The following TP53BP1 variants were observed in gnomAD, a reference collection of about 807,000 sequenced individuals.
TP53BP1 encodes the protein tumor protein p53 binding protein 1.
A neutral mutation model predicts 200.8 loss-of-function variants in TP53BP1; 61 were observed. The observed-to-expected ratio is 0.30, with a 90% confidence interval of 0.25 to 0.38. TP53BP1 has a LOEUF of 0.38. TP53BP1 is among the 10% of genes least tolerant of loss of function. The probability of loss-of-function intolerance (pLI) is 1.00; values close to 1 mark genes in which losing one functional copy is unlikely to be tolerated. For missense variants in TP53BP1, 2,144 were observed against 2,371.9 expected, an observed-to-expected ratio of 0.90 and a Z score of 2.00; for synonymous variants, 822 against 844.3, an observed-to-expected ratio of 0.97 and a Z score of 0.46.
Position 43,403,507 on chromosome 15 carries a change from C to T in TP53BP1, c.*3876G>A, listed in dbSNP as rs1030258315. 3.9e-5 allele frequency: 22 copies of T among 567,698 alleles called. No homozygotes were observed. Among genetic ancestry groups the T allele is most frequent in the South Asian group, 1.1e-4 (5 of 43,904 alleles). 35.2% of individuals were successfully genotyped at this position (567,698 alleles called of 1,614,324 possible). The stretch of plus-strand genomic sequence containing the variant: ...GCCAGGAAAGGATGCATTTGTTTTA[C>T]GCATTTTGTGCGTCTGAGGGGCTGG... On this transcript the variant is annotated 3_prime_UTR_variant, in exon 28 of 28. Transcript: ENST00000382044.
At position 43,413,252 on chromosome 15, in the gene TP53BP1, T is replaced by C. The variant is rs1473263039; in HGVS notation, c.5172A>G (p.Arg1724=). 1 of 1,614,074 alleles carries C rather than the reference T, an allele frequency of 6.2e-7. No homozygotes were observed. Among genetic ancestry groups the C allele is most frequent in the Non-Finnish European group, 8.5e-7 (1 of 1,180,034 alleles). The part of the protein sequence containing the change: ...TGEPSALEEQ[R]GPLPLNKTLF... ...AGGTCTTGTTGAGAGGCAAAGGCCC[T>C]CTCTGCTCTTCCAGGGCAGAGGGTT... Residue 1724 remains arginine (R), a synonymous_variant, in exon 24 of 28, where the codon AGA becomes AGG. Coordinates refer to ENST00000382044, the MANE Select transcript of TP53BP1 (RefSeq NM_001141980.3).
chr15:43,428,571 C>A (rs1595542592), intron 17 of TP53BP1, among the ~76,000 whole-genome samples: 1 of 152,312 alleles, frequency 6.6e-6, no homozygotes, highest in East Asian at 1.9e-4. Flanking sequence ...AAGGAAGGCA[C>A]TCTTTAGTCC....
At position 43,404,948 on chromosome 15, in the gene TP53BP1, C is replaced by G; in HGVS notation, c.*2435G>C. The G allele has an allele frequency of 1.9e-6, 1 of 533,150 alleles. No homozygotes were observed. Among genetic ancestry groups the G allele is most frequent in the Non-Finnish European group, 3.3e-6 (1 of 303,330 alleles). 33.0% of individuals were successfully genotyped at this position (533,150 alleles called of 1,614,324 possible). On this transcript the variant is annotated 3_prime_UTR_variant, in exon 28 of 28. Transcript: ENST00000382044. ...TTCTAACTCTAAACTTTAAAAAAAA[C>G]TGATACCGAGATTCAGTGGTAGCTG...
upstream of TP53BP1, among the ~76,000 whole-genome samples, chr15:43,495,191 AAAC>A (rs376700350): frequency 2.1e-3 from 316 of 151,568 alleles, 2 homozygotes; most frequent in African/African-American, 7.1e-3. Flanking sequence ...ACCCTGTCTG[AAAC>A]AACAACAATA....
chr15:43,436,031 G>A (rs1242700635), intron 16 of TP53BP1, among the ~76,000 whole-genome samples: 1 of 150,138 alleles, frequency 6.7e-6, no homozygotes, highest in East Asian at 2.0e-4. Context: ...TGGCTTTGTC[G>A]CCCAGGCTGG....
Position 43,457,086 on chromosome 15 carries a change from C to T in TP53BP1, c.1522G>A (p.Asp508Asn), listed in dbSNP as rs1264618716. The change falls in exon 12 of 28, where the codon GAT becomes AAT. Residue 508 changes from aspartate (D) to asparagine (N), a missense_variant. Coordinates refer to ENST00000382044, the MANE Select transcript of TP53BP1 (RefSeq NM_001141980.3). ...SEIEPKNSPE[D>N]LGLSLTGDSC... ...TCCCCTGTCAAAGATAGCCCAAGAT[C>T]CTCAGGGGAATTCTTTGGTTCAATC... is the stretch of plus-strand genomic sequence containing the variant. 8 of 1,614,020 alleles carry T rather than the reference C, an allele frequency of 5.0e-6. No individual in the cohort carries two copies. The highest frequency in any genetic ancestry group is 6.8e-6 in the Non-Finnish European group (8 of 1,180,022).
intron 6 of TP53BP1, 121 bp from the exon 7 acceptor site, chr15:43,479,647 G>GC: frequency 3.3e-6 from 4 of 1,203,606 alleles, no homozygotes; most frequent in Non-Finnish European, 4.6e-6. Context: ...ATATATACAG[G>GC]CATCAGTCTA....
At chr15:43,450,892 T>G (rs12185094) in intron 12 of TP53BP1, among the ~76,000 whole-genome samples, 10,989 of 152,254 alleles carry the variant, frequency 0.072, 508 homozygotes, top group Non-Finnish European at 0.1. Flanking sequence ...CTTATTTATT[T>G]GAGACAGGGT....
intron 7 of TP53BP1, 84 bp from the exon 8 acceptor site, chr15:43,477,843 T>C (rs2078906986): frequency 1.7e-6 from 2 of 1,146,824 alleles, no homozygotes; most frequent in African/African-American, 3.1e-5. Context: ...TGTGTGTTTT[T>C]CTTTAATAAT....
At position 43,421,336 on chromosome 15, in the gene TP53BP1, G is replaced by A. The variant is rs148456421; in HGVS notation, c.4101-162C>T. Reference sequence around the variant, plus strand: ...ACCCACCACCAAAATCTCATGCAGGGAGTGGGGAGCGTGGGATAACAAGTA... The same window carrying A: ...ACCCACCACCAAAATCTCATGCAGGAAGTGGGGAGCGTGGGATAACAAGTA... On this transcript the variant is annotated intron_variant, in intron 19 of 27. Coordinates refer to ENST00000382044, the MANE Select transcript of TP53BP1 (RefSeq NM_001141980.3). Among the ~76,000 whole-genome samples the A allele has an allele frequency of 2.6e-5, 4 of 152,314 alleles. No homozygotes were observed. In the East Asian group the frequency reaches 7.7e-4, roughly 29 times the overall value.
At chr15:43,420,258 GC>G (rs2045363591) in intron 21 of TP53BP1, 46 bp downstream of exon 21, 5 of 1,549,348 alleles carry the variant, frequency 3.2e-6, no homozygotes, top group Non-Finnish European at 3.5e-6. Flanking sequence ...GAGTATTATT[GC>G]CCCAAGGCAC....
chr15:43,480,134 C>A, intron 5 of TP53BP1, 117 bp from the exon 6 acceptor site: 1 of 891,596 alleles, frequency 1.1e-6, no homozygotes, highest in South Asian at 1.9e-5. Context: ...CCCTGTGCAC[C>A]CCCCAAATTT....
chr15:43,455,846 G>C (rs761503953), intron 12 of TP53BP1, 46 bp downstream of exon 12: 5 of 1,601,682 alleles, frequency 3.1e-6, no homozygotes, highest in Non-Finnish European at 4.3e-6. Flanking sequence ...TTCCATTCCA[G>C]ATTATAATTT....
At chr15:43,492,764 C>A (rs2079145315) in intron 1 of TP53BP1, among the ~76,000 whole-genome samples, 1 of 139,068 alleles carries the variant, frequency 7.2e-6, no homozygotes, top group South Asian at 2.6e-4. Context: ...CTTTTTCCAT[C>A]CCCCCCGCCA....
chr15:43,458,680 T>G (rs2046358395), intron 11 of TP53BP1, among the ~76,000 whole-genome samples: 1 of 151,846 alleles, frequency 6.6e-6, no homozygotes. Flanking sequence ...CTCGGGAGGC[T>G]GAGGCAGCAG....
intron 4 of TP53BP1, among the ~76,000 whole-genome samples, chr15:43,484,983 C>T (rs549961413): frequency 3.9e-5 from 6 of 152,104 alleles, no homozygotes; most frequent in African/African-American, 1.4e-4. Flanking sequence ...CTCCTGGGCT[C>T]AAGAGATCCT....
At chr15:43,422,594 T>C (rs903795545) in intron 18 of TP53BP1, among the ~76,000 whole-genome samples, 1 of 152,180 alleles carries the variant, frequency 6.6e-6, no homozygotes, top group African/African-American at 2.4e-5. Flanking sequence ...TCAGGAGCCC[T>C]TCTAGGTACT....
At chr15:43,468,546 C>CAAA (rs796416291) in intron 11 of TP53BP1, among the ~76,000 whole-genome samples, 2 of 80,940 alleles carry the variant, frequency 2.5e-5, no homozygotes, top group Non-Finnish European at 5.0e-5. Context: ...GATCCTGTCT[C>CAAA]AAAAAAAAAA....
upstream of TP53BP1, chr15:43,497,382 A>G (rs1011749829): frequency 5.3e-5 from 52 of 984,902 alleles, 1 homozygote; most frequent in Non-Finnish European, 6.0e-5. Flanking sequence ...TCTGCCTCAA[A>G]AAACAACAAC....
Sources: gnomAD v4.1 joint callset for allele counts (sites outside exome capture counted in the v4.1 genomes callset) on GRCh38, gnomAD v4.1.1 for gene constraint, MANE v1.5 for transcripts, NCBI Gene and HGNC (gene_info 2026-07-23, HGNC 2026-07-21) for gene names.